Variants in NRP2 observed in about 807,000 individuals in gnomAD.
NRP2 encodes the protein neuropilin 2.
A neutral mutation model predicts 110.4 loss-of-function variants in NRP2; 52 were observed. The observed-to-expected ratio is 0.47, with a 90% CI of 0.38 to 0.59. The LOEUF (loss-of-function observed/expected upper bound fraction) is 0.59. NRP2 is among the 20% of genes least tolerant of loss of function. The probability of loss-of-function intolerance (pLI) is 0.00; values close to 1 mark genes in which losing one functional copy is unlikely to be tolerated. For missense variants in NRP2, 1,049 were observed against 1,203.0 expected, an observed-to-expected ratio of 0.87 and a Z score of 1.89; for synonymous variants, 508 against 468.9, an observed-to-expected ratio of 1.08 and a Z score of -1.08.
intron 13 of NRP2, chr2:205,764,505 C>T (rs78289070): frequency 0.022 from 3,439 of 157,768 alleles, 57 homozygotes; most frequent in Middle Eastern, 0.11. Flanking sequence ...TATGTTCAGC[C>T]GTGGTTGCAA....
chr2:205,776,875 A>G (rs996998064), intron 15 of NRP2: 2 of 1,207,252 alleles, frequency 1.7e-6, no homozygotes, highest in Non-Finnish European at 2.1e-6. Flanking sequence ...CTTATCCCAT[A>G]CCTCCTCTCA....
chr2:205,740,748 G>A, intron 8 of NRP2, 85 bp downstream of exon 8: 2 of 1,499,392 alleles, frequency 1.3e-6, no homozygotes, highest in Non-Finnish European at 1.8e-6. Flanking sequence ...CAGCATGACT[G>A]CACCACATGA....
chr2:205,785,398 A>T (rs899665270), intron 15 of NRP2, among the ~76,000 whole-genome samples: 15 of 152,226 alleles, frequency 9.9e-5, no homozygotes. Context: ...GAAAAAAAAT[A>T]AGACTACACA....
At chr2:205,753,090 T>C in intron 12 of NRP2, 115 bp downstream of exon 12, 1 of 1,393,356 alleles carries the variant, frequency 7.2e-7, no homozygotes, top group South Asian at 1.2e-5. Flanking sequence ...AATCCTCTAT[T>C]CTTTGCCCAC....
intron 15 of NRP2, among the ~76,000 whole-genome samples, chr2:205,786,683 G>A (rs2058239451): frequency 6.6e-6 from 1 of 152,220 alleles, no homozygotes; most frequent in Non-Finnish European, 1.5e-5. Context: ...TAGGTTAAGT[G>A]GATGTGCTAA....
intron 15 of NRP2, among the ~76,000 whole-genome samples, chr2:205,770,627 T>C (rs2058006707): frequency 6.6e-6 from 1 of 152,110 alleles, no homozygotes; most frequent in Non-Finnish European, 1.5e-5. Flanking sequence ...CGCCTCCTTC[T>C]CCTAGAAGCA....
chr2:205,686,527 G>T lies in NRP2; in HGVS notation c.73+3164G>T, dbSNP rs2056168087. ...AGGGCTGCCCCCGCCCTTCGACTCG[G>T]GCTGGCTGTGCCGGGGGTCTTTCCC... On this transcript the variant is annotated intron_variant, in intron 1 of 16. Transcript: ENST00000357785. The surrounding 1 kb of genome is among the most constrained non-coding windows in gnomAD (Gnocchi z 4.7). 6.6e-6 allele frequency among the ~76,000 whole-genome samples: 1 copy of T among 152,224 alleles called. No individual in the cohort carries two copies. The highest frequency in any genetic ancestry group is 2.1e-4 in the South Asian group (1 of 4,832).
At position 205,718,002 on chromosome 2, in the gene NRP2, T is replaced by C. The variant is rs114875280; in HGVS notation, c.433+1628T>C. On this transcript the variant is annotated intron_variant, in intron 3 of 16. Coordinates refer to ENST00000357785, the MANE Select transcript of NRP2 (RefSeq NM_003872.3). Reference sequence around the variant, plus strand: ...AATTGACATGTGGTGGTTATGAAAATGGGGGAGCAGTCAAGTGGCTTAGCA... The same window carrying C: ...AATTGACATGTGGTGGTTATGAAAACGGGGGAGCAGTCAAGTGGCTTAGCA... Among the ~76,000 whole-genome samples the C allele has an allele frequency of 4.9e-3, 750 of 152,042 alleles. 3 individuals carry two copies. Among genetic ancestry groups the C allele is most frequent in the African/African-American group, 0.017 (708 of 41,468 alleles).
chr2:205,765,338 C>A (rs1223939687), intron 13 of NRP2, 136 bp from the exon 14 acceptor site: 1 of 749,554 alleles, frequency 1.3e-6, no homozygotes, highest in East Asian at 2.5e-5. Context: ...CAGATGTGTA[C>A]CAGGTGCAAT....
intron 15 of NRP2, chr2:205,777,144 G>T (rs941172049): frequency 3.0e-6 from 3 of 986,932 alleles, no homozygotes; most frequent in Non-Finnish European, 3.6e-6. Context: ...GAAGCTTTTT[G>T]TTGCCTTATC....
chr2:205,794,573 G>T (rs947138656), intron 16 of NRP2, among the ~76,000 whole-genome samples, 181 bp from the exon 17 acceptor site: 1 of 152,142 alleles, frequency 6.6e-6, no homozygotes, highest in Non-Finnish European at 1.5e-5. Context: ...AGGTTCAATA[G>T]CTTGCCCAAA....
In NRP2 at chr2:205,685,605, A is replaced by T. The variant is rs575455536; in HGVS notation, c.73+2242A>T. On this transcript the variant is annotated intron_variant, in intron 1 of 16. Coordinates refer to ENST00000357785, the MANE Select transcript of NRP2 (RefSeq NM_003872.3). Reference sequence around the variant, plus strand: ...GGCTGGCGCGTGGCTGGGAGGCCGCATGGGCGACGCGCACCAGGCTGCCCC... The same window carrying T: ...GGCTGGCGCGTGGCTGGGAGGCCGCTTGGGCGACGCGCACCAGGCTGCCCC... Among the ~76,000 whole-genome samples the T allele has an allele frequency of 5.3e-5, 8 of 152,318 alleles. No individual in the cohort carries two copies. In the South Asian group the frequency reaches 1.7e-3, roughly 32 times the overall value.
At chr2:205,748,337 T>C (rs1167073823) in intron 10 of NRP2, among the ~76,000 whole-genome samples, 1 of 152,222 alleles carries the variant, frequency 6.6e-6, no homozygotes, top group Non-Finnish European at 1.5e-5. Context: ...AGCTAAATAC[T>C]TTGACAGGGC....
chr2:205,697,320 G>C (rs956525212), intron 1 of NRP2, among the ~76,000 whole-genome samples: 2 of 151,228 alleles, frequency 1.3e-5, no homozygotes, highest in Non-Finnish European at 2.9e-5. Flanking sequence ...ATCTGTGTGT[G>C]TGTGTGTGTG....
chr2:205,707,225 C>T (rs920008616), intron 2 of NRP2, among the ~76,000 whole-genome samples: 3 of 152,212 alleles, frequency 2.0e-5, no homozygotes, highest in African/African-American at 7.2e-5. Context: ...TCACATGGCC[C>T]GGGCTGCCTG....
Position 205,743,560 on chromosome 2 carries a change from G to A in NRP2, c.1641+8G>A. The A allele has an allele frequency of 6.2e-7, 1 of 1,613,916 alleles. No individual in the cohort carries two copies. Among genetic ancestry groups the A allele is most frequent in the Non-Finnish European group, 8.5e-7 (1 of 1,179,806 alleles). ...AGGACCCAGCAGCCAAAGGTAGGCT[G>A]TTCTTGGAGGCCTCTGTAACGTTAC... On this transcript the variant is annotated splice_region_variant and intron_variant, in intron 9 of 16. Transcript: ENST00000357785.
chr2:205,734,324 T>C (rs2057300113), intron 7 of NRP2, among the ~76,000 whole-genome samples: 1 of 149,960 alleles, frequency 6.7e-6, no homozygotes. Flanking sequence ...TAAAGGGGAG[T>C]TTTAAAGGAG....
At chr2:205,765,617 A>G in intron 14 of NRP2, 47 bp downstream of exon 14, 1 of 1,519,566 alleles carries the variant, frequency 6.6e-7, no homozygotes, top group East Asian at 2.3e-5. Flanking sequence ...TAAGACCCCA[A>G]GGGCTGGGAT....
In NRP2 at chr2:205,692,479, G is replaced by A. The variant is rs536101524; in HGVS notation, c.74-5065G>A. 3.3e-5 allele frequency among the ~76,000 whole-genome samples: 5 copies of A among 152,304 alleles called. No homozygotes were observed. The South Asian group carries it at 6.2e-4, about 19-fold the overall frequency. ...AATTTGGTTAAAACCCTGAGCCAAC[G>A]ACTTAGATGATCTGGGTGAGGGATT... On this transcript the variant is annotated intron_variant, in intron 1 of 16. Coordinates refer to ENST00000357785, the MANE Select transcript of NRP2 (RefSeq NM_003872.3).
Sources: allele counts gnomAD v4.1 joint callset (sites outside exome capture counted in the v4.1 genomes callset), GRCh38; gene constraint gnomAD v4.1.1; non-coding constraint Gnocchi (gnomAD v3.1); transcripts MANE v1.5; gene names NCBI Gene and HGNC (gene_info 2026-07-23, HGNC 2026-07-21).